PKM: variants seen among roughly 807,000 people sequenced by gnomAD.
PKM encodes the protein pyruvate kinase PKM.
In PKM, 18 loss-of-function variants were observed where a neutral mutation model predicts 49.8. The observed-to-expected ratio is 0.36, with a 90% CI of 0.25 to 0.54. The LOEUF (loss-of-function observed/expected upper bound fraction) is 0.54. PKM is among the 20% of genes least tolerant of loss of function. The probability of loss-of-function intolerance (pLI) is 0.89; values close to 1 mark genes in which losing one functional copy is unlikely to be tolerated. For synonymous variants in PKM, 239 were observed against 261.8 expected (o/e 0.91, Z 0.84); for missense variants, 508 against 713.8 (o/e 0.71, Z 3.28).
intron 8 of PKM, chr15:72,203,501 T>A: frequency 2.4e-6 from 1 of 410,798 alleles, no homozygotes; most frequent in Non-Finnish European, 4.6e-6. Flanking sequence ...ATGCCCAGGC[T>A]GGGCCCAGGC....
At chr15:72,204,719 T>A (rs1038267505) in intron 8 of PKM, among the ~76,000 whole-genome samples, 1 of 152,200 alleles carries the variant, frequency 6.6e-6, no homozygotes, top group African/African-American at 2.4e-5. Context: ...TCTAATCCAT[T>A]TTACAGATGA....
intron 3 of PKM, among the ~76,000 whole-genome samples, chr15:72,216,107 G>C (rs1381746342): frequency 6.6e-6 from 1 of 152,220 alleles, no homozygotes; most frequent in Non-Finnish European, 1.5e-5. Flanking sequence ...CTCTTGGATT[G>C]CATTTCCTGA....
At position 72,209,877 on chromosome 15, in the gene PKM, A is replaced by C; in HGVS notation, c.379-18T>G. On this transcript the variant is annotated intron_variant, in intron 4 of 10. Transcript: ENST00000335181. ...GTGCCGCTCTAGGGACAAGAGAGTAAGCAAGAGTCCAAACTGGAGACACCA... is the reference window on the plus strand; with the variant it reads ...GTGCCGCTCTAGGGACAAGAGAGTACGCAAGAGTCCAAACTGGAGACACCA... 1 of 1,611,262 alleles carries C rather than the reference A, an allele frequency of 6.2e-7. No homozygotes were observed. The highest frequency in any genetic ancestry group is 8.5e-7 in the Non-Finnish European group (1 of 1,177,450).
At chr15:72,209,545 A>G in intron 5 of PKM, 128 bp downstream of exon 5, 1 of 795,644 alleles carries the variant, frequency 1.3e-6, no homozygotes, top group Non-Finnish European at 2.2e-6. Flanking sequence ...GAGTTATAAA[A>G]GGGATTCCTG....
At chr15:72,217,635 T>C (rs1481748893) in intron 2 of PKM, 135 bp from the exon 3 acceptor site, 1 of 676,276 alleles carries the variant, frequency 1.5e-6, no homozygotes, top group African/African-American at 1.8e-5. Flanking sequence ...CTTTAAAAAG[T>C]GCATGGAAGG....
intron 2 of PKM, among the ~76,000 whole-genome samples, chr15:72,218,022 G>A (rs2082417726): frequency 6.6e-6 from 1 of 152,124 alleles, no homozygotes; most frequent in South Asian, 2.1e-4. Context: ...ATACAATGTG[G>A]AATAATTAAA....
intron 3 of PKM, among the ~76,000 whole-genome samples, chr15:72,212,103 C>A (rs912040195): frequency 5.3e-5 from 8 of 152,276 alleles, no homozygotes; most frequent in East Asian, 3.9e-4. Flanking sequence ...AGACCCTTGG[C>A]TTGTCTGTTT....
At chr15:72,210,930 T>C (rs1236436066) in intron 3 of PKM, among the ~76,000 whole-genome samples, 7 of 152,234 alleles carry the variant, frequency 4.6e-5, no homozygotes, top group Non-Finnish European at 8.8e-5. Flanking sequence ...CATTCTGATA[T>C]ATGTGGTAAT....
At chr15:72,203,235 G>GA (rs752224534) in intron 8 of PKM, 1 of 1,528,738 alleles carries the variant, frequency 6.5e-7, no homozygotes. Context: ...GAAGGAGGAG[G>GA]AAAAAAACGA....
chr15:72,214,794 C>CTAAATAAATAAA (rs60170895), intron 3 of PKM, among the ~76,000 whole-genome samples: 33 of 151,680 alleles, frequency 2.2e-4, no homozygotes, highest in African/African-American at 6.3e-4. Flanking sequence ...GACTCCCTCT[C>CTAAATAAATAAA]TAAATAAATA....
intron 10 of PKM, among the ~76,000 whole-genome samples, 160 bp from the exon 11 acceptor site, chr15:72,199,916 A>G (rs1290085918): frequency 1.3e-5 from 2 of 152,192 alleles, no homozygotes; most frequent in East Asian, 1.9e-4. Context: ...AACAGGAGGA[A>G]GGCCCTGAAA....
chr15:72,219,024 G>A lies in PKM; in HGVS notation c.74C>T (p.Thr25Ile), dbSNP rs572317094. Reference sequence around the variant, plus strand: ...CAGGCGGCACATGTGCTCCAGGAATGTGTCAGCCATGGCTGCGTGCAGCTG... The same window carrying A: ...CAGGCGGCACATGTGCTCCAGGAATATGTCAGCCATGGCTGCGTGCAGCTG... ...TQQLHAAMADTFLEHMCRLDI... is the reference protein window; with the variant it reads ...TQQLHAAMADIFLEHMCRLDI... The change falls in exon 2 of 11, where the codon ACA becomes ATA. Residue 25 changes from threonine to isoleucine, a missense_variant. Physicochemically the swap from Thr to Ile is moderately conservative, Grantham distance 89. Coordinates refer to ENST00000335181, the MANE Select transcript of PKM (RefSeq NM_002654.6). 3 of 1,614,220 alleles carry A rather than the reference G, an allele frequency of 1.9e-6. No individual in the cohort carries two copies. Among genetic ancestry groups the A allele is most frequent in the Non-Finnish European group, 2.5e-6 (3 of 1,180,028 alleles).
intron 1 of PKM, chr15:72,230,891 C>T: frequency 7.8e-7 from 1 of 1,280,256 alleles, no homozygotes; most frequent in Non-Finnish European, 1.0e-6. Flanking sequence ...AAGGAGCCGG[C>T]GGACCCGCCT....
chr15:72,223,310 C>T (rs2082576528), intron 1 of PKM, among the ~76,000 whole-genome samples: 1 of 152,166 alleles, frequency 6.6e-6, no homozygotes, highest in Non-Finnish European at 1.5e-5. Context: ...CGTGAGTCTG[C>T]ATCTGCCTAA....
intron 1 of PKM, among the ~76,000 whole-genome samples, chr15:72,227,150 C>A (rs906504826): frequency 6.6e-6 from 1 of 152,214 alleles, no homozygotes; most frequent in African/African-American, 2.4e-5. Context: ...CAAAAATGGT[C>A]TTCATATATC....
Position 72,202,336 on chromosome 15 carries a change from A to G in PKM, c.1307+118T>C. ...TCCCTGCAGGCCCAAGGTGGCAGGCAGAGGGGTCTTACCTTGGCTCAGTGC... is the reference window on the plus strand; with the variant it reads ...TCCCTGCAGGCCCAAGGTGGCAGGCGGAGGGGTCTTACCTTGGCTCAGTGC... On this transcript the variant is annotated intron_variant, in intron 9 of 10. Coordinates refer to ENST00000335181, the MANE Select transcript of PKM (RefSeq NM_002654.6). The surrounding 1 kb of genome is among the most constrained non-coding windows in gnomAD (Gnocchi z 4.5). 9.6e-7 allele frequency: 1 copy of G among 1,042,792 alleles called. No homozygotes were observed. Among genetic ancestry groups the G allele is most frequent in the Non-Finnish European group, 1.4e-6 (1 of 692,232 alleles). 64.6% of individuals were successfully genotyped at this position (1,042,792 alleles called of 1,614,324 possible).
intron 8 of PKM, among the ~76,000 whole-genome samples, chr15:72,205,335 G>C (rs772049428): frequency 2.0e-5 from 3 of 152,150 alleles, no homozygotes; most frequent in Non-Finnish European, 4.4e-5. Context: ...AGGTTGCCCA[G>C]GCTGGTCTTC....
chr15:72,221,059 G>C (rs1048039736), intron 1 of PKM: 5 of 716,582 alleles, frequency 7.0e-6, no homozygotes, highest in Non-Finnish European at 1.2e-5. Flanking sequence ...GTGGGTTGGA[G>C]TAACTAATTC....
rs1307054866 is a variant in PKM at position 72,210,494 on chromosome 15, G to A, written c.247-16C>T. Reference sequence around the variant, plus strand: ...CCGCATGGTACTGGGGGAAAAGAAGGAAGATGACAAGCGTGCTCCCACACT... The same window carrying A: ...CCGCATGGTACTGGGGGAAAAGAAGAAAGATGACAAGCGTGCTCCCACACT... On this transcript the variant is annotated splice_polypyrimidine_tract_variant and intron_variant, in intron 3 of 10. Coordinates refer to ENST00000335181, the MANE Select transcript of PKM (RefSeq NM_002654.6). The A allele has an allele frequency of 1.2e-5, 19 of 1,614,066 alleles. No homozygotes were observed. Among genetic ancestry groups the A allele is most frequent in the Non-Finnish European group, 1.5e-5 (18 of 1,179,968 alleles).
Sources: allele counts gnomAD v4.1 joint callset (sites outside exome capture counted in the v4.1 genomes callset), GRCh38; gene constraint gnomAD v4.1.1; non-coding constraint Gnocchi (gnomAD v3.1); transcripts MANE v1.5; gene names NCBI Gene and HGNC (gene_info 2026-07-23, HGNC 2026-07-21).